Variants in GALNTL6 observed in about 807,000 individuals in gnomAD.
GALNTL6 encodes the protein polypeptide N-acetylgalactosaminyltransferase like 6, also known as polypeptide N-acetylgalactosaminyltransferase-like 6.
A neutral mutation model predicts 73.7 loss-of-function variants in GALNTL6; 46 were observed. That is an observed-to-expected ratio of 0.62 (90% confidence interval 0.49 to 0.80). The LOEUF is 0.80. Ranked by LOEUF, GALNTL6 falls within the 30% of genes least tolerant of loss-of-function variation. The pLI, the probability that GALNTL6 is intolerant of heterozygous loss-of-function variation, is 0.00. For missense variants in GALNTL6, 604 were observed against 755.0 expected, an observed-to-expected ratio of 0.80 and a Z score of 2.34; for synonymous variants, 259 against 263.7, an observed-to-expected ratio of 0.98 and a Z score of 0.17.
chr4:172,163,101 C>T (rs760741137), intron 2 of GALNTL6, among the ~76,000 whole-genome samples: 19 of 151,996 alleles, frequency 1.3e-4, no homozygotes, highest in Non-Finnish European at 2.1e-4. Context: ...ACTATCTGCA[C>T]AGTCTGACTT....
At chr4:172,350,955 G>T (rs1354025620) in intron 5 of GALNTL6, among the ~76,000 whole-genome samples, 7 of 152,074 alleles carry the variant, frequency 4.6e-5, no homozygotes, top group African/African-American at 9.7e-5. Context: ...AACTTTCTCT[G>T]AGTGTCTCTG....
chr4:172,212,145 C>G (rs1203507748), intron 2 of GALNTL6, among the ~76,000 whole-genome samples: 1 of 151,922 alleles, frequency 6.6e-6, no homozygotes, highest in East Asian at 1.9e-4. Flanking sequence ...TCTGAAATTC[C>G]CTGACCTCCT....
intron 2 of GALNTL6, among the ~76,000 whole-genome samples, chr4:172,142,260 C>CT (rs1733821962): frequency 6.6e-6 from 1 of 152,014 alleles, no homozygotes; most frequent in Admixed American, 6.6e-5. Context: ...CACATAACAT[C>CT]TTTGAGTACA....
chr4:172,774,572 G>C (rs576431210), intron 5 of GALNTL6, among the ~76,000 whole-genome samples: 1 of 152,182 alleles, frequency 6.6e-6, no homozygotes, highest in African/African-American at 2.4e-5. Context: ...TATTGTTTAA[G>C]AATGAAGTCG....
chr4:172,376,282 C>A (rs1311406594), intron 5 of GALNTL6, among the ~76,000 whole-genome samples: 2 of 152,164 alleles, frequency 1.3e-5, no homozygotes, highest in Non-Finnish European at 2.9e-5. Context: ...GAAGTTTTGT[C>A]TGGCAGGCAT....
At chr4:172,975,775 G>A (rs1338116594) in intron 10 of GALNTL6, among the ~76,000 whole-genome samples, 3 of 152,142 alleles carry the variant, frequency 2.0e-5, no homozygotes, top group Admixed American at 1.3e-4. Flanking sequence ...AGTGCCATCC[G>A]GAGCACACAC....
In GALNTL6 at chr4:172,193,766, G is replaced by A. The variant is rs577333493; in HGVS notation, c.139-35890G>A. Among the ~76,000 whole-genome samples, 186 of 152,286 alleles carry A rather than the reference G, an allele frequency of 1.2e-3. No homozygotes were observed. The South Asian group carries it at 0.015, about 12-fold the overall frequency. ...TAGTCCCAGCTACTTGGGAGGCTGA[G>A]GCAGGAGAATGGCGTGAACCCGGGA... On this transcript the variant is annotated intron_variant, in intron 2 of 12. Transcript: ENST00000506823.
In GALNTL6 at chr4:172,882,838, T is replaced by C. The variant is rs1745529835; in HGVS notation, c.972T>C (p.Phe324=). The part of the protein sequence containing the change: ...GGLFAVDRKW[F]WELGGYDPGL... ...TCTTTGCTGTGGATCGGAAATGGTT[T>C]TGGGAATTGGGTGGCTATGATCCAG... The change falls in exon 8 of 13, where the codon TTT becomes TTC. Residue 324 remains phenylalanine (F), a synonymous_variant. Coordinates refer to ENST00000506823, the MANE Select transcript of GALNTL6 (RefSeq NM_001034845.3). 2.5e-6 allele frequency: 4 copies of C among 1,613,114 alleles called. No individual in the cohort carries two copies. The East Asian group carries it at 8.9e-5, about 36-fold the overall frequency.
intron 2 of GALNTL6, among the ~76,000 whole-genome samples, chr4:172,225,877 A>G (rs1009325673): frequency 1.2e-4 from 19 of 152,210 alleles, no homozygotes; most frequent in African/African-American, 4.6e-4. Flanking sequence ...TTAAAAAGTT[A>G]TTAGTGTAGC....
At chr4:173,011,001 G>A (rs577620205) in intron 11 of GALNTL6, among the ~76,000 whole-genome samples, 7 of 152,152 alleles carry the variant, frequency 4.6e-5, no homozygotes, top group Admixed American at 1.3e-4. Context: ...CCATTTCTCC[G>A]TATCCTCAAC....
intron 5 of GALNTL6, among the ~76,000 whole-genome samples, chr4:172,450,933 C>T (rs930114732): frequency 1.3e-5 from 2 of 152,034 alleles, no homozygotes; most frequent in African/African-American, 4.8e-5. Context: ...CTCTGTAATT[C>T]CTTTCTGTAT....
At chr4:172,841,146 T>G (rs1254085573) in intron 7 of GALNTL6, among the ~76,000 whole-genome samples, 1 of 152,216 alleles carries the variant, frequency 6.6e-6, no homozygotes, top group African/African-American at 2.4e-5. Flanking sequence ...TAAAATAAAC[T>G]CTGCCCTTAG....
intron 2 of GALNTL6, among the ~76,000 whole-genome samples, chr4:171,872,386 C>T (rs1425252744): frequency 2.6e-5 from 4 of 152,082 alleles, no homozygotes; most frequent in East Asian, 3.8e-4. Flanking sequence ...CTATGAAAAT[C>T]GTTCCTAAGA....
chr4:172,143,348 T>C (rs1733848757), intron 2 of GALNTL6, among the ~76,000 whole-genome samples: 1 of 152,062 alleles, frequency 6.6e-6, no homozygotes, highest in African/African-American at 2.4e-5. Context: ...ACTTTTATTA[T>C]GTTTAAACAT....
intron 2 of GALNTL6, among the ~76,000 whole-genome samples, chr4:172,108,869 C>T (rs1270003009): frequency 2.0e-5 from 3 of 151,636 alleles, no homozygotes; most frequent in Non-Finnish European, 4.4e-5. Context: ...AAAAATTAGC[C>T]GGGCATGGTA....
chr4:172,042,863 GTAAAAAAAAA>G (rs1742121907), intron 2 of GALNTL6, among the ~76,000 whole-genome samples: 1 of 1,632 alleles, frequency 6.1e-4, no homozygotes, highest in African/African-American at 1.9e-3. Context: ...ATCTTTAACA[GTAAAAAAAAA>G]AAAAAAAAAA....
At chr4:172,806,392 G>C (rs1343790397) in intron 5 of GALNTL6, among the ~76,000 whole-genome samples, 1 of 152,136 alleles carries the variant, frequency 6.6e-6, no homozygotes, top group Non-Finnish European at 1.5e-5. Flanking sequence ...CAGAAAATGT[G>C]TACAGAAAAA....
intron 2 of GALNTL6, among the ~76,000 whole-genome samples, chr4:172,098,876 C>G (rs1443746148): frequency 6.6e-6 from 1 of 151,964 alleles, no homozygotes; most frequent in African/African-American, 2.4e-5. Context: ...TACTCCACCC[C>G]CAAACAAATT....
intron 3 of GALNTL6, among the ~76,000 whole-genome samples, chr4:172,296,951 G>A (rs1425869223): frequency 6.6e-6 from 1 of 152,146 alleles, no homozygotes; most frequent in Admixed American, 6.6e-5. Context: ...GACTTCCACA[G>A]TGGTTGATCT....
Sources: gnomAD v4.1 joint callset for allele counts (sites outside exome capture counted in the v4.1 genomes callset) on GRCh38, gnomAD v4.1.1 for gene constraint, MANE v1.5 for transcripts, NCBI Gene and HGNC (gene_info 2026-07-23, HGNC 2026-07-21) for gene names.